The following NOC2L variants were observed in gnomAD, a reference collection of about 807,000 sequenced individuals.
NOC2L encodes NOC2 like nucleolar associated transcriptional repressor.
In NOC2L, 101 loss-of-function variants were observed where a neutral mutation model predicts 94.2. The ratio of observed to expected loss-of-function variants is 1.07; its 90% confidence interval spans 0.91 to 1.26. The LOEUF is 1.26. Ranked by LOEUF, NOC2L falls within the 50% of genes most tolerant of loss-of-function variation. The probability of loss-of-function intolerance (pLI) is 0.00; values close to 1 mark genes in which losing one functional copy is unlikely to be tolerated. For missense variants in NOC2L, 1,076 were observed against 980.1 expected, an observed-to-expected ratio of 1.10 and a Z score of -1.31; for synonymous variants, 531 against 413.4, an observed-to-expected ratio of 1.28 and a Z score of -3.45.
At chr1:945,476 T>G (rs1489684904) in intron 17 of NOC2L, 42 bp downstream of exon 17, 4 of 1,609,690 alleles carry the variant, frequency 2.5e-6, no homozygotes, top group Non-Finnish European at 3.4e-6. Context: ...AGCAGAGCCC[T>G]CCAGGCCCAC....
rs767651790 is a variant in NOC2L, at chr1:946,214, G to A, written c.1876C>T (p.Arg626Cys). ...ATCTCCAGCTGGATCTCCCGGTCAC[G>A]CAGCTTGCGCCAGTGGCTGTAGTAC... ...TLYYSHWRKL[R>C]DREIQLEISG... Residue 626 changes from arginine to cysteine, a missense_variant, in exon 16 of 19, where the codon CGT becomes TGT. By Grantham distance (180) the Arg-to-Cys change is radical. Around this residue, in one of 3 missense-constraint regions of NOC2L, gnomAD observed 615 missense variants for 577.4 expected, o/e 1.07. Coordinates refer to ENST00000327044, the MANE Select transcript of NOC2L (RefSeq NM_015658.4). 1.9e-6 allele frequency: 3 copies of A among 1,613,490 alleles called. No individual in the cohort carries two copies. The highest frequency in any genetic ancestry group is 2.5e-6 in the Non-Finnish European group (3 of 1,179,638).
chr1:955,522 C>T (rs1490269631), intron 6 of NOC2L, among the ~76,000 whole-genome samples: 1 of 152,212 alleles, frequency 6.6e-6, no homozygotes, highest in Non-Finnish European at 1.5e-5. Context: ...ATTGATGAGG[C>T]CCCTGTCTAC....
intron 12 of NOC2L, 107 bp from the exon 13 acceptor site, chr1:948,710 G>GAA: frequency 1.2e-6 from 1 of 800,134 alleles, no homozygotes; most frequent in Non-Finnish European, 2.2e-6. Context: ...GCACCTGGCT[G>GAA]CACCCTGGTC....
At position 957,028 on chromosome 1, in the gene NOC2L, G is replaced by A. The variant is rs1452849631; in HGVS notation, c.355-3C>T. 9 of 1,613,956 alleles carry A rather than the reference G, an allele frequency of 5.6e-6. No individual in the cohort carries two copies. The highest frequency in any genetic ancestry group is 5.0e-5 in the Admixed American group (3 of 60,014). ...CCATCCTCCTCCTCACTGGCTTCCT[G>A]CACAGAAAGGCTGAGCTGAAGGAGA... On this transcript the variant is annotated splice_polypyrimidine_tract_variant and splice_region_variant and intron_variant, in intron 3 of 18. Transcript: ENST00000327044.
At chr1:953,720 G>A (rs554281214) in intron 8 of NOC2L, 62 bp downstream of exon 8, 68 of 1,220,222 alleles carry the variant, frequency 5.6e-5, no homozygotes, top group South Asian at 2.0e-4. Flanking sequence ...GGGATGTGGT[G>A]GGGGTAGCCG....
Position 944,316 on chromosome 1 carries a change from TG to T in NOC2L, c.*377del, listed in dbSNP as rs1642017533. The T allele has an allele frequency of 3.6e-6, 5 of 1,389,172 alleles. No individual in the cohort carries two copies. Among genetic ancestry groups the T allele is most frequent in the East Asian group, 2.7e-5 (1 of 36,630 alleles). The allele number at this position is 1,389,172 out of a possible 1,614,324, so 86.1% of individuals were successfully genotyped here. Reference sequence around the variant, plus strand: ...GGAAAGGAACAAATTTTCAAAGACTTGGGGGAGTGAAGGCAGAGCCTGGTGC... The same window carrying T: ...GGAAAGGAACAAATTTTCAAAGACTTGGGGAGTGAAGGCAGAGCCTGGTGC... On this transcript the variant is annotated 3_prime_UTR_variant, in exon 19 of 19. Transcript: ENST00000327044.
intron 6 of NOC2L, among the ~76,000 whole-genome samples, chr1:954,684 T>C (rs1376591477): frequency 6.6e-6 from 1 of 151,888 alleles, no homozygotes; most frequent in Non-Finnish European, 1.5e-5. Context: ...ATATACAAAA[T>C]ATTATCCAGG....
chr1:955,234 C>T (rs145639078), intron 6 of NOC2L, among the ~76,000 whole-genome samples: 159 of 152,368 alleles, frequency 1.0e-3, no homozygotes, highest in African/African-American at 3.7e-3. Flanking sequence ...CGTCCAGCCC[C>T]GACCACTACC....
chr1:944,653 A>G lies in NOC2L; in HGVS notation c.*41T>C. 2 of 1,306,858 alleles carry G rather than the reference A, an allele frequency of 1.5e-6. No homozygotes were observed. The highest frequency in any genetic ancestry group is 2.2e-6 in the Non-Finnish European group (2 of 928,064). The allele number at this position is 1,306,858 out of a possible 1,614,324, so 81.0% of individuals were successfully genotyped here. On this transcript the variant is annotated 3_prime_UTR_variant, in exon 19 of 19. Coordinates refer to ENST00000327044, the MANE Select transcript of NOC2L (RefSeq NM_015658.4). ...TGCCAGGGAGGTGGAAACACTGGCC[A>G]CCAGCCCGGCAGCCCCTACAGGCCC... is the stretch of plus-strand genomic sequence containing the variant.
In NOC2L at chr1:955,976, G is replaced by A. The variant is rs1222220059; in HGVS notation, c.645C>T (p.Leu215=). 10 of 1,613,690 alleles carry A rather than the reference G, an allele frequency of 6.2e-6. No homozygotes were observed. The highest frequency in any genetic ancestry group is 2.7e-5 in the African/African-American group (2 of 74,788). The change falls in exon 6 of 19, where the codon CTC becomes CTT. Residue 215 remains leucine (L), a synonymous_variant. Transcript: ENST00000327044. ...ACAGCAGCTTCTGGAGACAGCCAATGAGGTCTCTGATGCAGAAGGTAACCA... is the reference window on the plus strand; with the variant it reads ...ACAGCAGCTTCTGGAGACAGCCAATAAGGTCTCTGATGCAGAAGGTAACCA... ...NALVTFCIRD[L]IGCLQKLLFG...
rs1452564675 is a variant in NOC2L, at chr1:956,203, G to C, written c.499C>G (p.Pro167Ala). The C allele has an allele frequency of 1.9e-6, 3 of 1,613,710 alleles. No homozygotes were observed. Among genetic ancestry groups the C allele is most frequent in the Admixed American group, 1.7e-5 (1 of 60,014 alleles). Residue 167 changes from proline to alanine, a missense_variant, in exon 5 of 19, where the codon CCA becomes GCA. Pro to Ala is a conservative substitution (Grantham distance 27). Around this residue, in one of 3 missense-constraint regions of NOC2L, gnomAD observed 457 missense variants for 386.0 expected, o/e 1.18. Coordinates refer to ENST00000327044, the MANE Select transcript of NOC2L (RefSeq NM_015658.4). ...TGTACCACTTCATGGAACAGCTTTG[G>C]AGTGAGGCGTTGCTGAAGGAGCAAG... ...WKQAAKQRLT[P>A]KLFHEVVQAF...
rs777856079 is a variant in NOC2L, at chr1:952,502, G to A, written c.1101C>T (p.Ala367=). 9 of 1,613,882 alleles carry A rather than the reference G, an allele frequency of 5.6e-6. No homozygotes were observed. The South Asian group carries it at 8.8e-5, about 16-fold the overall frequency. ...FMQWTLTELL[A]LEPGVAYQHA... is the part of the protein sequence containing the mutation. ...GCTGGTAGGCCACACCCGGCTCCAG[G>A]GCCAGCAGCTCCGTCAAGGTCCACT... The change falls in exon 10 of 19, where the codon GCC becomes GCT. Residue 367 remains alanine, a synonymous_variant. Transcript: ENST00000327044.
Position 959,077 on chromosome 1 carries a change from GGCGCCT to G in NOC2L, c.27-2_30del, listed in dbSNP as rs1557625111. The G allele has an allele frequency of 6.2e-7, 1 of 1,608,872 alleles. No homozygotes were observed. Among genetic ancestry groups the G allele is most frequent in the Admixed American group, 1.7e-5 (1 of 59,824 alleles). On this transcript the variant is annotated splice_acceptor_variant and coding_sequence_variant, in exon 2 of 19. Transcript: ENST00000327044. LOFTEE classifies it high-confidence loss of function. ...AACTCGTCCACCGTCAGCTCCGCCA[GGCGCCT>G]GCGGGTCACGCAGGAGTCACAGCTG...
rs200279266 is a variant in NOC2L at position 945,523 on chromosome 1, T to C, written c.2048A>G (p.Glu683Gly). 4.0e-5 allele frequency: 64 copies of C among 1,613,594 alleles called. No individual in the cohort carries two copies. The highest frequency in any genetic ancestry group is 5.2e-5 in the Non-Finnish European group (61 of 1,179,814). ...SEEDDTEGFS[E>G]RGILRPLSTR... is the part of the protein sequence containing the mutation. ...GAGCACCACGCAGGCCCCACCTCTC[T>C]CCGAGAATCCCTCGGTGTCGTCCTC... The change falls in exon 17 of 19, where the codon GAG becomes GGG. Residue 683 changes from glutamate to glycine, a missense_variant. Glu to Gly is a moderately conservative substitution (Grantham distance 98, BLOSUM62 -2). Around this residue, in one of 3 missense-constraint regions of NOC2L, gnomAD observed 615 missense variants for 577.4 expected, o/e 1.07. Transcript: ENST00000327044.
In NOC2L at chr1:945,086, T is replaced by C. The variant is rs138652036; in HGVS notation, c.2114A>G (p.Glu705Gly). ...GVEDDEEDEE[E>G]GEEDSSNSED... is the part of the protein sequence containing the mutation. ...CGAGTTGCTGCTGTCCTCCTCGCCC[T>C]CCTCCTCGTCCTCTTCATCGTCTTC... The change falls in exon 18 of 19, where the codon GAG becomes GGG. Residue 705 changes from glutamate (E) to glycine (G), a missense_variant. By Grantham distance (98) the Glu-to-Gly change is moderately conservative. Around this residue, in one of 3 missense-constraint regions of NOC2L, gnomAD observed 615 missense variants for 577.4 expected, o/e 1.07. Transcript: ENST00000327044. The C allele has an allele frequency of 8.3e-4, 1,345 of 1,611,538 alleles. 40 individuals carry two copies. In the South Asian group the frequency reaches 0.012, roughly 14 times the overall value.
At chr1:953,981 T>C (rs772816302) in intron 7 of NOC2L, 23 bp downstream of exon 7, 1 of 1,603,436 alleles carries the variant, frequency 6.2e-7, no homozygotes, top group East Asian at 2.2e-5. Flanking sequence ...CAGGCCCCCG[T>C]GCCCTCCCCA....
At chr1:956,336 G>C (rs948019035) in intron 4 of NOC2L, 121 bp from the exon 5 acceptor site, 1 of 1,179,838 alleles carries the variant, frequency 8.5e-7, no homozygotes, top group Non-Finnish European at 1.2e-6. Flanking sequence ...CAGAGGTTGG[G>C]GGGAGGCACA....
At position 945,505 on chromosome 1, in the gene NOC2L, A is replaced by C; in HGVS notation, c.2053+13T>G. 1 of 1,613,042 alleles carries C rather than the reference A, an allele frequency of 6.2e-7. No homozygotes were observed. Among genetic ancestry groups the C allele is most frequent in the Non-Finnish European group, 8.5e-7 (1 of 1,179,706 alleles). The stretch of plus-strand genomic sequence containing the variant: ...GGCCCACCCTTCCCCTGGGAGCACC[A>C]CGCAGGCCCCACCTCTCTCCGAGAA... On this transcript the variant is annotated intron_variant, in intron 17 of 18. Coordinates refer to ENST00000327044, the MANE Select transcript of NOC2L (RefSeq NM_015658.4).
chr1:959,055 T>C lies in NOC2L; in HGVS notation c.53A>G (p.Glu18Gly). Residue 18 changes from glutamate to glycine, a missense_variant, in exon 2 of 19, where the codon GAG becomes GGG. Glu to Gly is a moderately conservative substitution (Grantham distance 98). Around this residue, in one of 3 missense-constraint regions of NOC2L, gnomAD observed 457 missense variants for 386.0 expected, o/e 1.18. Coordinates refer to ENST00000327044, the MANE Select transcript of NOC2L (RefSeq NM_015658.4). ...GGAGTCAAAGCCCGAAGCTAGGAAC[T>C]CGTCCACCGTCAGCTCCGCCAGGCG... ...KRRLAELTVD[E>G]FLASGFDSES... 6.2e-7 allele frequency: 1 copy of C among 1,609,782 alleles called. No individual in the cohort carries two copies. The highest frequency in any genetic ancestry group is 8.5e-7 in the Non-Finnish European group (1 of 1,177,820).
Sources: gnomAD v4.1 joint callset for allele counts (sites outside exome capture counted in the v4.1 genomes callset) on GRCh38, gnomAD v4.1.1 for gene constraint, gnomAD v4.1.1 regional missense constraint, MANE v1.5 for transcripts, NCBI Gene and HGNC (gene_info 2026-07-23, HGNC 2026-07-21) for gene names.